KMO: variants seen among roughly 807,000 people sequenced by gnomAD.
KMO encodes the protein kynurenine 3-hydroxylase.
In KMO, 24 loss-of-function variants were observed where a neutral mutation model predicts 57.8. The ratio of observed to expected loss-of-function variants is 0.42; its 90% CI spans 0.30 to 0.58. The LOEUF is 0.58. Ranked by LOEUF, KMO falls within the 20% of genes least tolerant of loss-of-function variation. The pLI is 0.22. For missense variants in KMO, 483 were observed against 588.2 expected, an observed-to-expected ratio of 0.82 and a Z score of 1.85; for synonymous variants, 210 against 193.6, an observed-to-expected ratio of 1.08 and a Z score of -0.70.
intron 1 of KMO, among the ~76,000 whole-genome samples, chr1:241,547,664 G>C (rs935030711): frequency 2.6e-5 from 4 of 151,356 alleles, no homozygotes; most frequent in Non-Finnish European, 4.4e-5. Flanking sequence ...CAACTTACCA[G>C]CTCCCACCCT....
Position 241,548,876 on chromosome 1 carries a change from T to C in KMO, c.102T>C (p.Ile34=). 6.2e-7 allele frequency: 1 copy of C among 1,607,528 alleles called. No homozygotes were observed. The highest frequency in any genetic ancestry group is 1.1e-5 in the South Asian group (1 of 90,928). Residue 34 remains isoleucine, a synonymous_variant, in exon 2 of 15, where the codon ATT becomes ATC. Transcript: ENST00000366559. ...TTCTTGCAAAGAGGAATTTCCAGAT[T>C]GATGTATATGAAGCTAGGGAAGGTA... is the stretch of plus-strand genomic sequence containing the variant. The part of the protein sequence containing the change: ...ACFLAKRNFQ[I]DVYEAREDTR...
Position 241,549,747 on chromosome 1 carries a change from C to A in KMO, c.195C>A (p.Ala65=). The change falls in exon 3 of 15, where the codon GCC becomes GCA. Residue 65 remains alanine, a synonymous_variant. Transcript: ENST00000366559. Reference sequence around the variant, plus strand: ...CCCTTTCTCATAGAGGACGACAAGCCTTGAAAGCTGTTGGCCTGGAAGATC... The same window carrying A: ...CCCTTTCTCATAGAGGACGACAAGCATTGAAAGCTGTTGGCCTGGAAGATC... ...NLALSHRGRQ[A]LKAVGLEDQI... 1 of 1,612,278 alleles carries A rather than the reference C, an allele frequency of 6.2e-7. No individual in the cohort carries two copies. Among genetic ancestry groups the A allele is most frequent in the Admixed American group, 1.7e-5 (1 of 59,932 alleles).
chr1:241,585,266 G>T (rs1662927613), intron 10 of KMO, among the ~76,000 whole-genome samples: 1 of 151,418 alleles, frequency 6.6e-6, no homozygotes, highest in South Asian at 2.1e-4. Context: ...AATTAAATTG[G>T]AATTTTAATA....
At chr1:241,549,918 C>T (rs113055505) in intron 3 of KMO, 144 bp downstream of exon 3, 18 of 608,464 alleles carry the variant, frequency 3.0e-5, no homozygotes, top group East Asian at 2.7e-4. Context: ...TTTTAAAATT[C>T]GAAATTTGGC....
chr1:241,544,762 C>T (rs902956905), intron 1 of KMO, among the ~76,000 whole-genome samples: 6 of 152,034 alleles, frequency 3.9e-5, no homozygotes, highest in Non-Finnish European at 8.8e-5. Context: ...AACATGCATA[C>T]AAAATTTTGA....
chr1:241,540,023 C>G (rs563095296), intron 1 of KMO, among the ~76,000 whole-genome samples: 1 of 151,952 alleles, frequency 6.6e-6, no homozygotes, highest in African/African-American at 2.4e-5. Context: ...CATCTTTTGA[C>G]GTGGAAATGT....
intron 10 of KMO, among the ~76,000 whole-genome samples, chr1:241,578,228 A>G (rs979831033): frequency 2.6e-5 from 4 of 152,136 alleles, no homozygotes; most frequent in African/African-American, 9.7e-5. Flanking sequence ...CTCTTCTCCA[A>G]GACTCTTCAT....
chr1:241,544,620 A>G (rs904466814), intron 1 of KMO, among the ~76,000 whole-genome samples: 55 of 152,178 alleles, frequency 3.6e-4, no homozygotes, highest in African/African-American at 1.3e-3. Flanking sequence ...TGAAAAATAC[A>G]ATTTGCCACA....
In KMO at chr1:241,542,090, CCCTTT is replaced by C. The variant is rs368243172; in HGVS notation, c.55-6734_55-6730del. On this transcript the variant is annotated intron_variant, in intron 1 of 14. Transcript: ENST00000366559. ...TCTTCCTAATAGGATCACAGTTTTT[CCCTTT>C]CCTTCTTTCTTTTTATTTTTTTGTT... Among the ~76,000 whole-genome samples the C allele has an allele frequency of 2.6e-4, 39 of 152,230 alleles. No individual in the cohort carries two copies. The East Asian group carries it at 6.8e-3, about 26-fold the overall frequency.
chr1:241,564,891 G>T (rs575568185), intron 7 of KMO, 96 bp from the exon 8 acceptor site: 8 of 739,766 alleles, frequency 1.1e-5, no homozygotes, highest in African/African-American at 1.1e-4. Flanking sequence ...AGATGCTACT[G>T]GTTTTAATTA....
chr1:241,556,749 C>T (rs897412086), intron 5 of KMO, among the ~76,000 whole-genome samples: 10 of 152,106 alleles, frequency 6.6e-5, no homozygotes, highest in Admixed American at 2.0e-4. Context: ...ATTAGCTGAG[C>T]GTGGTGGCAC....
intron 7 of KMO, among the ~76,000 whole-genome samples, chr1:241,562,731 C>T (rs539121937): frequency 6.6e-6 from 1 of 152,128 alleles, no homozygotes; most frequent in African/African-American, 2.4e-5. Context: ...CCCAGCTACT[C>T]GTGAGGCTGA....
intron 1 of KMO, among the ~76,000 whole-genome samples, chr1:241,544,325 A>G (rs1661066417): frequency 6.6e-6 from 1 of 152,238 alleles, no homozygotes; most frequent in Non-Finnish European, 1.5e-5. Context: ...TTTTGCACCA[A>G]TCTAATAAAT....
intron 1 of KMO, among the ~76,000 whole-genome samples, chr1:241,546,333 G>A (rs1661146893): frequency 1.3e-5 from 2 of 152,146 alleles, no homozygotes; most frequent in Non-Finnish European, 2.9e-5. Context: ...ATTTGTAGAT[G>A]CCTGTAGGCA....
intron 5 of KMO, 79 bp from the exon 6 acceptor site, chr1:241,560,586 A>G (rs944504609): frequency 9.7e-7 from 1 of 1,026,942 alleles, no homozygotes; most frequent in Admixed American, 1.8e-5. Context: ...TTCCCAGAAA[A>G]CAATTACTAT....
intron 10 of KMO, among the ~76,000 whole-genome samples, chr1:241,580,668 C>T (rs537610582): frequency 6.6e-5 from 10 of 152,038 alleles, no homozygotes; most frequent in African/African-American, 2.4e-4. Flanking sequence ...CAAAGTTTCT[C>T]TTGTTATTTA....
chr1:241,590,342 A>G (rs1203769130), intron 14 of KMO, 79 bp downstream of exon 14: 2 of 1,167,148 alleles, frequency 1.7e-6, no homozygotes, highest in Admixed American at 3.5e-5. Flanking sequence ...TTTGTTTCCA[A>G]CAAATACAGA....
chr1:241,594,290 TG>T lies in KMO; in HGVS notation c.*2140del. Reference sequence around the variant, plus strand: ...CCTCTTCCTGAGGCCCAAGAGCATATGGGCAATTCGGATTTCCTGCTGGACC... The same window carrying T: ...CCTCTTCCTGAGGCCCAAGAGCATATGGCAATTCGGATTTCCTGCTGGACC... On this transcript the variant is annotated 3_prime_UTR_variant, in exon 15 of 15. Coordinates refer to ENST00000366559, the MANE Select transcript of KMO (RefSeq NM_003679.5). The T allele has an allele frequency of 2.2e-6, 2 of 925,346 alleles. No individual in the cohort carries two copies. Among genetic ancestry groups the T allele is most frequent in the East Asian group, 2.4e-5 (1 of 41,000 alleles). 57.3% of individuals were successfully genotyped at this position (925,346 alleles called of 1,614,324 possible).
intron 10 of KMO, among the ~76,000 whole-genome samples, chr1:241,577,808 A>G (rs1662581300): frequency 6.6e-6 from 1 of 152,192 alleles, no homozygotes; most frequent in African/African-American, 2.4e-5. Flanking sequence ...AATGTTGGTC[A>G]GAGGCCCCAG....
Sources: gnomAD v4.1 joint callset for allele counts (sites outside exome capture counted in the v4.1 genomes callset) on GRCh38, gnomAD v4.1.1 for gene constraint, MANE v1.5 for transcripts, NCBI Gene and HGNC (gene_info 2026-07-23, HGNC 2026-07-21) for gene names.